FBXL20: variants seen among roughly 807,000 people sequenced by gnomAD.
FBXL20 encodes F-box and leucine rich repeat protein 20.
A neutral mutation model predicts 64.0 loss-of-function variants in FBXL20; 11 were observed. The ratio of observed to expected loss-of-function variants is 0.17; its 90% CI spans 0.11 to 0.28. The LOEUF (loss-of-function observed/expected upper bound fraction) is 0.28, where lower values mean the gene tolerates loss of function less well. Among genes scored for constraint, FBXL20 ranks in the 10% least tolerant of loss-of-function variants. The pLI is 1.00. For synonymous variants in FBXL20, 184 were observed against 189.0 expected (o/e 0.97, Z 0.22); for missense variants, 303 against 526.2 (o/e 0.58, Z 4.15).
At chr17:39,317,673 CTTTGTTTTTTTTTTTGTTTTTTTT>C (rs1200904472) in intron 2 of FBXL20, among the ~76,000 whole-genome samples, 1 of 108,456 alleles carries the variant, frequency 9.2e-6, no homozygotes, top group Non-Finnish European at 1.9e-5. Context: ...GAGAGTTTGA[CTTTGTTTTTTTTTTTGTTTTTTTT>C]TTTGTTTTTT....
At chr17:39,287,830 G>A (rs150200593) in intron 6 of FBXL20, among the ~76,000 whole-genome samples, 4 of 152,156 alleles carry the variant, frequency 2.6e-5, no homozygotes, top group East Asian at 3.9e-4. Flanking sequence ...TTACATTCCC[G>A]CCAGAAATTC....
chr17:39,285,914 A>G (rs1320324837), intron 6 of FBXL20, among the ~76,000 whole-genome samples: 2 of 152,210 alleles, frequency 1.3e-5, no homozygotes, highest in African/African-American at 4.8e-5. Context: ...CCAGAAGCTA[A>G]TGGCTATCTA....
chr17:39,402,259 C>A (rs747294350), upstream of FBXL20: 1 of 1,075,020 alleles, frequency 9.3e-7, no homozygotes, highest in South Asian at 5.1e-5. Flanking sequence ...TGGGGCAGTG[C>A]GGCTGCCGCC....
chr17:39,264,912 G>A (rs973682905), intron 13 of FBXL20, among the ~76,000 whole-genome samples: 3 of 152,130 alleles, frequency 2.0e-5, no homozygotes, highest in Admixed American at 2.0e-4. Flanking sequence ...AGATAGTACT[G>A]TGTCACCAAA....
intron 1 of FBXL20, among the ~76,000 whole-genome samples, chr17:39,351,841 G>A (rs370058091): frequency 6.6e-6 from 1 of 152,136 alleles, no homozygotes; most frequent in Non-Finnish European, 1.5e-5. Context: ...ACTTCTAGGG[G>A]TAGAATGTTC....
intron 1 of FBXL20, among the ~76,000 whole-genome samples, chr17:39,396,387 G>A (rs1156596295): frequency 6.6e-6 from 1 of 151,074 alleles, no homozygotes; most frequent in Non-Finnish European, 1.5e-5. Flanking sequence ...CCTGAGGTCA[G>A]TAGTTCAAGA....
chr17:39,320,183 C>T lies in FBXL20; in HGVS notation c.105-16544G>A, dbSNP rs536856795. ...CAAATAATTTTTTATCAAATACTGT[C>T]TGCCTCTTGAAGAATTCTGTGCAAA... On this transcript the variant is annotated intron_variant, in intron 2 of 14. Transcript: ENST00000264658. 2.0e-5 allele frequency among the ~76,000 whole-genome samples: 3 copies of T among 152,244 alleles called. No individual in the cohort carries two copies. In the South Asian group the frequency reaches 6.2e-4, roughly 32 times the overall value.
chr17:39,351,263 G>A (rs571042474), intron 1 of FBXL20, among the ~76,000 whole-genome samples: 1 of 151,010 alleles, frequency 6.6e-6, no homozygotes, highest in East Asian at 1.9e-4. Flanking sequence ...TCGAAACCGG[G>A]AGGGGGAGGT....
chr17:39,288,422 A>G (rs1397640642), intron 6 of FBXL20, among the ~76,000 whole-genome samples: 1 of 152,178 alleles, frequency 6.6e-6, no homozygotes, highest in Non-Finnish European at 1.5e-5. Context: ...GTTATTAGAT[A>G]TATGACCTGC....
intron 2 of FBXL20, among the ~76,000 whole-genome samples, chr17:39,334,203 G>C (rs1159255107): frequency 6.6e-6 from 1 of 152,094 alleles, no homozygotes; most frequent in African/African-American, 2.4e-5. Context: ...CATGTGCTGT[G>C]TCCACTAAGG....
At chr17:39,303,247 T>TAAAATAAAAA (rs2047153590) in intron 3 of FBXL20, among the ~76,000 whole-genome samples, 1 of 147,158 alleles carries the variant, frequency 6.8e-6, no homozygotes. Context: ...TGTCCTTGTG[T>TAAAATAAAAA]AAAAAAAAAA....
At chr17:39,388,950 GA>G (rs2048109749) in intron 1 of FBXL20, among the ~76,000 whole-genome samples, 1 of 149,834 alleles carries the variant, frequency 6.7e-6, no homozygotes, top group Admixed American at 6.6e-5. Flanking sequence ...TAAAAATACA[GA>G]AAATTACCTG....
At chr17:39,276,707 G>C (rs908655746) in intron 9 of FBXL20, among the ~76,000 whole-genome samples, 1 of 152,084 alleles carries the variant, frequency 6.6e-6, no homozygotes, top group Non-Finnish European at 1.5e-5. Flanking sequence ...GCCCGGCCCA[G>C]GTACAAATAT....
chr17:39,315,321 A>G (rs1454455274), intron 2 of FBXL20, among the ~76,000 whole-genome samples: 1 of 151,358 alleles, frequency 6.6e-6, no homozygotes, highest in African/African-American at 2.4e-5. Flanking sequence ...TATTGAAAGC[A>G]GTACGCTTTT....
At chr17:39,308,617 T>G (rs996725652) in intron 2 of FBXL20, among the ~76,000 whole-genome samples, 1 of 151,024 alleles carries the variant, frequency 6.6e-6, no homozygotes, top group Non-Finnish European at 1.5e-5. Context: ...CAGGCTGGAG[T>G]GCAGTGGCAC....
chr17:39,369,056 CTTA>C (rs2047889432), intron 1 of FBXL20, among the ~76,000 whole-genome samples: 1 of 151,914 alleles, frequency 6.6e-6, no homozygotes, highest in East Asian at 1.9e-4. Context: ...CTTTTGTTCC[CTTA>C]TTATCATTTT....
chr17:39,336,924 G>T (rs1023204552), intron 2 of FBXL20, among the ~76,000 whole-genome samples: 3 of 150,968 alleles, frequency 2.0e-5, no homozygotes, highest in Non-Finnish European at 4.4e-5. Context: ...TAACATCATG[G>T]ATGTTAAAAA....
rs1028233653 is a variant in FBXL20 at position 39,258,153 on chromosome 17, G to C, written c.*3307C>G. The C allele has an allele frequency of 6.6e-6, 1 of 152,062 alleles. No individual in the cohort carries two copies. Among genetic ancestry groups the C allele is most frequent in the South Asian group, 2.1e-4 (1 of 4,828 alleles). 9.4% of individuals were successfully genotyped at this position (152,062 alleles called of 1,614,324 possible). A position where few individuals can be genotyped will look rare whatever the true frequency, so the allele number is the denominator to read the frequency against. ...ATTATAAAAGGCATATTTTGGAGTG[G>C]CTATGAGGTTAGACAAACAGATCAA... On this transcript the variant is annotated 3_prime_UTR_variant, in exon 15 of 15. Transcript: ENST00000264658.
chr17:39,270,942 A>T, intron 10 of FBXL20, 86 bp from the exon 11 acceptor site: 1 of 1,069,764 alleles, frequency 9.3e-7, no homozygotes, highest in South Asian at 1.4e-5. Flanking sequence ...ATTTACAAAA[A>T]CAATCTTCTA....
Sources: allele counts gnomAD v4.1 joint callset (sites outside exome capture counted in the v4.1 genomes callset), GRCh38; gene constraint gnomAD v4.1.1; transcripts MANE v1.5; gene names NCBI Gene and HGNC (gene_info 2026-07-23, HGNC 2026-07-21).